ARID4A: variants seen among roughly 807,000 people sequenced by gnomAD.
The protein encoded by ARID4A is AT-rich interaction domain 4A.
Under a neutral mutation model 148.6 loss-of-function variants are expected in ARID4A, and 39 were observed. That is an observed-to-expected ratio of 0.26 (90% confidence interval 0.20 to 0.34). ARID4A has a LOEUF of 0.34. Ranked by LOEUF, ARID4A falls within the 10% of genes least tolerant of loss-of-function variation. ARID4A has a pLI of 1.00. For synonymous variants in ARID4A, 475 were observed against 481.2 expected (o/e 0.99, Z 0.17); for missense variants, 1,265 against 1,449.1 (o/e 0.87, Z 2.06).
At position 58,309,208 on chromosome 14, in the gene ARID4A, T is replaced by C. The variant is rs193117630; in HGVS notation, c.274+3096T>C. On this transcript the variant is annotated intron_variant, in intron 5 of 23. Coordinates refer to ENST00000355431, the MANE Select transcript of ARID4A (RefSeq NM_002892.4). ...GTAGCTTCCTGCAGCCCTGAATTCC[T>C]GGGCTCAAGCAGTCTTACCGCCTTA... 1.8e-4 allele frequency among the ~76,000 whole-genome samples: 28 copies of C among 152,340 alleles called. 1 individual carries two copies. In the East Asian group the frequency reaches 5.4e-3, roughly 29 times the overall value.
At position 58,301,606 on chromosome 14, in the gene ARID4A, A is replaced by G. The variant is rs745746896; in HGVS notation, c.33A>G (p.Thr11=). Reference sequence around the variant, plus strand: ...CGGCAGATGAGCCTGCCTACCTGACAGTGGGAACCGATGTCAGTGCCAAGT... The same window carrying G: ...CGGCAGATGAGCCTGCCTACCTGACGGTGGGAACCGATGTCAGTGCCAAGT... MKAADEPAYL[T]VGTDVSAKYR... Residue 11 remains threonine, a synonymous_variant, in exon 3 of 24, where the codon ACA becomes ACG. Coordinates refer to ENST00000355431, the MANE Select transcript of ARID4A (RefSeq NM_002892.4). 2.6e-5 allele frequency: 42 copies of G among 1,613,954 alleles called. No homozygotes were observed. Among genetic ancestry groups the G allele is most frequent in the Admixed American group, 6.7e-5 (4 of 59,992 alleles).
intron 17 of ARID4A, among the ~76,000 whole-genome samples, chr14:58,357,653 G>A (rs368282463): frequency 1.5e-5 from 2 of 137,050 alleles, no homozygotes; most frequent in East Asian, 2.1e-4. Flanking sequence ...TATCGTTAGT[G>A]TTATTTTATG....
At chr14:58,347,980 T>C (rs1594938903) in intron 15 of ARID4A, 102 bp downstream of exon 15, 5 of 755,922 alleles carry the variant, frequency 6.6e-6, no homozygotes, top group East Asian at 2.7e-5. Context: ...GAACCTAGTT[T>C]ATTTTCCAGT....
intron 5 of ARID4A, among the ~76,000 whole-genome samples, chr14:58,310,269 A>G (rs539736842): frequency 1.2e-3 from 181 of 150,998 alleles, no homozygotes; most frequent in Middle Eastern, 3.4e-3. Context: ...AGGGACTTCT[A>G]TAGTTATCAC....
At chr14:58,342,652 C>T (rs1244179114) in intron 11 of ARID4A, among the ~76,000 whole-genome samples, 1 of 152,182 alleles carries the variant, frequency 6.6e-6, no homozygotes, top group Non-Finnish European at 1.5e-5. Context: ...GTGGCTCACA[C>T]CTGTAATCCC....
chr14:58,334,121 G>A (rs1285644886), intron 11 of ARID4A, among the ~76,000 whole-genome samples: 1 of 152,042 alleles, frequency 6.6e-6, no homozygotes, highest in Non-Finnish European at 1.5e-5. Context: ...TCAGATTAAT[G>A]AGGATTCCAC....
At chr14:58,302,913 T>C (rs1594859040) in intron 3 of ARID4A, among the ~76,000 whole-genome samples, 1 of 152,344 alleles carries the variant, frequency 6.6e-6, no homozygotes, top group East Asian at 1.9e-4. Flanking sequence ...TGAGCTGTGA[T>C]TGTGCCACTG....
intron 8 of ARID4A, among the ~76,000 whole-genome samples, chr14:58,326,614 G>T (rs2033227707): frequency 6.6e-6 from 1 of 152,188 alleles, no homozygotes; most frequent in Non-Finnish European, 1.5e-5. Context: ...ATTCTGCAGA[G>T]AATTTTCCAA....
intron 5 of ARID4A, among the ~76,000 whole-genome samples, chr14:58,313,896 G>T (rs1232160035): frequency 6.6e-6 from 1 of 152,126 alleles, no homozygotes; most frequent in South Asian, 2.1e-4. Flanking sequence ...CGGCCAATTG[G>T]ATGGTACTTG....
At chr14:58,324,136 C>T (rs1298105873) in intron 8 of ARID4A, among the ~76,000 whole-genome samples, 2 of 152,206 alleles carry the variant, frequency 1.3e-5, no homozygotes, top group South Asian at 2.1e-4. Flanking sequence ...GATCTCCTGA[C>T]CTCATGGTCC....
chr14:58,369,676 G>A (rs946101935), intron 23 of ARID4A, among the ~76,000 whole-genome samples: 13 of 142,990 alleles, frequency 9.1e-5, no homozygotes, highest in African/African-American at 3.3e-4. Context: ...TATATAAAAA[G>A]AAATGGATCT....
chr14:58,337,732 G>A (rs1248983821), intron 11 of ARID4A, among the ~76,000 whole-genome samples: 1 of 152,150 alleles, frequency 6.6e-6, no homozygotes, highest in Non-Finnish European at 1.5e-5. Context: ...AAAAGTTATT[G>A]AGTAACAATG....
intron 23 of ARID4A, among the ~76,000 whole-genome samples, chr14:58,369,050 AAAT>A (rs1029472405): frequency 6.6e-5 from 10 of 152,230 alleles, no homozygotes; most frequent in African/African-American, 2.2e-4. Flanking sequence ...AATTTAAAAA[AAAT>A]AATAAGGCAG....
At chr14:58,308,943 G>A (rs373899947) in intron 5 of ARID4A, among the ~76,000 whole-genome samples, 59 of 152,288 alleles carry the variant, frequency 3.9e-4, no homozygotes, top group African/African-American at 1.3e-3. Flanking sequence ...ATGATCATTA[G>A]TGATCTAAAG....
At chr14:58,355,525 C>T (rs965711653) in intron 17 of ARID4A, among the ~76,000 whole-genome samples, 1 of 152,148 alleles carries the variant, frequency 6.6e-6, no homozygotes, top group Non-Finnish European at 1.5e-5. Flanking sequence ...GTCTTTCTCT[C>T]AAAATATCTT....
chr14:58,307,332 T>G (rs2140139601), intron 5 of ARID4A, among the ~76,000 whole-genome samples: 2 of 152,362 alleles, frequency 1.3e-5, no homozygotes, highest in African/African-American at 4.8e-5. Flanking sequence ...AACTATGCTT[T>G]GGTTAAAAAT....
At chr14:58,327,714 C>A (rs2033294826) in intron 8 of ARID4A, among the ~76,000 whole-genome samples, 1 of 152,068 alleles carries the variant, frequency 6.6e-6, no homozygotes, top group African/African-American at 2.4e-5. Flanking sequence ...TTCTGTCACC[C>A]AGGCTGGAGT....
In ARID4A at chr14:58,358,426, C is replaced by G. The variant is rs188883241; in HGVS notation, c.1854-706C>G. Among the ~76,000 whole-genome samples, 336 of 152,224 alleles carry G rather than the reference C, an allele frequency of 2.2e-3. 2 individuals carry two copies. The highest frequency in any genetic ancestry group is 7.8e-3 in the African/African-American group (325 of 41,532). ...AGGTTCCATTGAGCCGAGATGGCAC[C>G]ACTGCATGTCAGCCTGGGTGACAAC... On this transcript the variant is annotated intron_variant, in intron 17 of 23. Transcript: ENST00000355431.
intron 5 of ARID4A, among the ~76,000 whole-genome samples, chr14:58,306,508 C>T (rs1358017943): frequency 6.6e-6 from 1 of 152,160 alleles, no homozygotes; most frequent in Non-Finnish European, 1.5e-5. Flanking sequence ...TTAAAAAATC[C>T]TGACCATGGT....
Sources: gnomAD v4.1 joint callset for allele counts (sites outside exome capture counted in the v4.1 genomes callset) on GRCh38, gnomAD v4.1.1 for gene constraint, MANE v1.5 for transcripts, NCBI Gene and HGNC (gene_info 2026-07-23, HGNC 2026-07-21) for gene names.